CPZ: variants seen among roughly 807,000 people sequenced by gnomAD.
The protein encoded by CPZ is carboxypeptidase Z, also known as VEZT/CPZ fusion.
CPZ carries 103 observed loss-of-function variants against 61.8 expected under a neutral mutation model. The ratio of observed to expected loss-of-function variants is 1.67; its 90% CI spans 1.42 to 1.96. The LOEUF (loss-of-function observed/expected upper bound fraction) is 1.96. Among genes scored for constraint, CPZ ranks in the 30% most tolerant of loss-of-function variants. The pLI is 0.00. For missense variants in CPZ, 1,461 were observed against 914.9 expected (o/e 1.60, Z -7.70); for synonymous variants, 551 against 373.7 (o/e 1.47, Z -5.47).
Position 8,606,126 on chromosome 4 carries a change from A to C in CPZ, c.847A>C (p.Thr283Pro). 6.2e-7 allele frequency: 1 copy of C among 1,613,888 alleles called. No homozygotes were observed. Among genetic ancestry groups the C allele is most frequent in the Non-Finnish European group, 8.5e-7 (1 of 1,179,868 alleles). Reference sequence around the variant, plus strand: ...CCGCATCCAGCGCCTGCTCAACACCACCCGCATCCACCTGCTGCCCTCCAT... The same window carrying C: ...CCGCATCCAGCGCCTGCTCAACACCCCCCGCATCCACCTGCTGCCCTCCAT... ...NPRIQRLLNTTRIHLLPSMNP... is the reference protein window; with the variant it reads ...NPRIQRLLNTPRIHLLPSMNP... The change falls in exon 5 of 11, where the codon ACC becomes CCC. Residue 283 changes from threonine to proline, a missense_variant. Physicochemically the swap from Thr to Pro is conservative, Grantham distance 38. Coordinates refer to ENST00000360986, the MANE Select transcript of CPZ (RefSeq NM_001014447.3).
intron 4 of CPZ, 146 bp from the exon 5 acceptor site, chr4:8,605,843 C>A: frequency 2.7e-6 from 2 of 738,026 alleles, no homozygotes; most frequent in South Asian, 2.4e-5. Context: ...CTTGATGAGA[C>A]CTCATTATAT....
chr4:8,610,402 G>A (rs905640206), intron 7 of CPZ, among the ~76,000 whole-genome samples: 8 of 152,206 alleles, frequency 5.3e-5, no homozygotes, highest in African/African-American at 1.7e-4. Context: ...CCTAGAGACT[G>A]ACCAGTGATG....
rs1428168245 is a variant in CPZ at position 8,612,002 on chromosome 4, TATCTG to T, written c.1228-23_1228-19del. ...GACGTCCTGCAGGGGACCCTTTCCT[TATCTG>T]AGCCAGGTTTCTTTTCCAGATGTTC... On this transcript the variant is annotated intron_variant, in intron 7 of 10. Transcript: ENST00000360986. The T allele has an allele frequency of 6.2e-7, 1 of 1,613,536 alleles. No individual in the cohort carries two copies.
intron 6 of CPZ, 71 bp downstream of exon 6, chr4:8,606,969 T>C (rs1333428123): frequency 6.7e-7 from 1 of 1,497,678 alleles, no homozygotes; most frequent in Non-Finnish European, 9.0e-7. Context: ...CCAGGCTCTC[T>C]GGAGTTGTCC....
chr4:8,601,443 C>G lies in CPZ; in HGVS notation c.442C>G (p.Arg148Gly). Reference protein sequence around the residue: ...MAWPYFLDCHRYFTREDEGCY... With the variant: ...MAWPYFLDCHGYFTREDEGCY... ...CTGGCCCTACTTCCTTGACTGCCAC[C>G]GCTACTTCACGAGAGAGGACGAGGG... Residue 148 changes from arginine to glycine, a missense_variant, in exon 3 of 11, where the codon CGC becomes GGC. Coordinates refer to ENST00000360986, the MANE Select transcript of CPZ (RefSeq NM_001014447.3). 1 of 1,544,848 alleles carries G rather than the reference C, an allele frequency of 6.5e-7. No homozygotes were observed. Among genetic ancestry groups the G allele is most frequent in the Non-Finnish European group, 8.7e-7 (1 of 1,144,942 alleles).
rs748653002 is a variant in CPZ at position 8,612,198 on chromosome 4, G to A, written c.1363+36G>A. On this transcript the variant is annotated intron_variant, in intron 8 of 10. Coordinates refer to ENST00000360986, the MANE Select transcript of CPZ (RefSeq NM_001014447.3). ...CGCAGGGCGGGACTGGGCGGGGGGT[G>A]GGGGGTGCAGGGGCTGGGTGGGGCA... 15 of 343,448 alleles carry A rather than the reference G, an allele frequency of 4.4e-5. 1 individual carries two copies. Among genetic ancestry groups the A allele is most frequent in the Non-Finnish European group, 6.3e-5 (13 of 204,854 alleles). 21.3% of individuals were successfully genotyped at this position (343,448 alleles called of 1,614,324 possible). A position where few individuals can be genotyped will look rare whatever the true frequency, so the allele number is the denominator to read the frequency against.
At chr4:8,618,379 T>G in intron 9 of CPZ, 50 bp from the exon 10 acceptor site, 1 of 1,583,098 alleles carries the variant, frequency 6.3e-7, no homozygotes, top group Non-Finnish European at 8.7e-7. Flanking sequence ...GCCTCCACGC[T>G]CAGCAGGAGA....
Position 8,606,760 on chromosome 4 carries a change from G to C in CPZ, c.930G>C (p.Thr310=). The C allele has an allele frequency of 6.2e-7, 1 of 1,614,160 alleles. No individual in the cohort carries two copies. Among genetic ancestry groups the C allele is most frequent in the Non-Finnish European group, 8.5e-7 (1 of 1,180,026 alleles). Residue 310 remains threonine, a synonymous_variant, in exon 6 of 11, where the codon ACG becomes ACC. Coordinates refer to ENST00000360986, the MANE Select transcript of CPZ (RefSeq NM_001014447.3). ...AGGGTGCCGGCTACAACGGGTGGAC[G>C]AGCGGGAGGCAGAACGCGCAGAACC... is the stretch of plus-strand genomic sequence containing the variant. ...AAEGAGYNGW[T]SGRQNAQNLD...
intron 7 of CPZ, chr4:8,611,344 C>T (rs938851188): frequency 6.7e-6 from 3 of 447,358 alleles, no homozygotes; most frequent in Non-Finnish European, 1.4e-5. Context: ...GGGATGGGCA[C>T]AATGCGGGGA....
chr4:8,593,002 C>T (rs555871954), intron 1 of CPZ, 81 bp downstream of exon 1: 9 of 1,151,872 alleles, frequency 7.8e-6, no homozygotes, highest in African/African-American at 6.2e-5. Context: ...CCCAGGGGCC[C>T]GGGAGCTTTC....
rs1057408311 is a variant in CPZ at position 8,606,963 on chromosome 4, G to A, written c.1068+65G>A. The stretch of plus-strand genomic sequence containing the variant: ...ATCCAGGGGTCCCTAGTTATTCCAG[G>A]CTCTCTGGAGTTGTCCTTCCCTGGG... On this transcript the variant is annotated intron_variant, in intron 6 of 10. Coordinates refer to ENST00000360986, the MANE Select transcript of CPZ (RefSeq NM_001014447.3). 4.7e-6 allele frequency: 7 copies of A among 1,505,148 alleles called. No individual in the cohort carries two copies. In the African/African-American group the frequency reaches 6.9e-5, roughly 15 times the overall value. 93.2% of individuals were successfully genotyped at this position (1,505,148 alleles called of 1,614,324 possible).
chr4:8,612,538 T>C (rs896596027), intron 8 of CPZ, among the ~76,000 whole-genome samples: 17 of 152,320 alleles, frequency 1.1e-4, no homozygotes, highest in Non-Finnish European at 1.6e-4. Context: ...TTTAGGACAA[T>C]GTAAGGATGT....
chr4:8,612,085 C>T lies in CPZ; in HGVS notation c.1286C>T (p.Ser429Leu), dbSNP rs145418825. ...ADVHPMMMDR[S>L]ENRCGGNFLK... ...GTCCACCCCATGATGATGGACAGGT[C>T]GGAGAATAGGTGTGGAGGCAATTTC... Residue 429 changes from serine (S) to leucine (L), a missense_variant, in exon 8 of 11, where the codon TCG (serine) becomes TTG (leucine). By Grantham distance (145) the Ser-to-Leu change is moderately radical (BLOSUM62 -2). Coordinates refer to ENST00000360986, the MANE Select transcript of CPZ (RefSeq NM_001014447.3). 1.9e-5 allele frequency: 31 copies of T among 1,612,856 alleles called. No individual in the cohort carries two copies. Among genetic ancestry groups the T allele is most frequent in the South Asian group, 1.2e-4 (11 of 91,014 alleles).
rs1050465 is a variant in CPZ, at chr4:8,619,665, G to C, written c.*48G>C. The C allele has an allele frequency of 1.0e-5, 14 of 1,355,112 alleles. No homozygotes were observed. The highest frequency in any genetic ancestry group is 2.6e-5 in the East Asian group (1 of 38,014). 83.9% of individuals were successfully genotyped at this position (1,355,112 alleles called of 1,614,324 possible). A position where few individuals can be genotyped will look rare whatever the true frequency, so the allele number is the denominator to read the frequency against. On this transcript the variant is annotated 3_prime_UTR_variant, in exon 11 of 11. Transcript: ENST00000360986. ...GATGTGGAGACCGAGGCCCATCTCC[G>C]CATCCCGGGCTCCTGGCTCTTGATT...
chr4:8,605,537 CATCTATCCATTCATCCATCATTGATAT>C lies in CPZ; in HGVS notation c.710-441_710-415del, dbSNP rs577931729. On this transcript the variant is annotated intron_variant, in intron 4 of 10. Coordinates refer to ENST00000360986, the MANE Select transcript of CPZ (RefSeq NM_001014447.3). ...CTCATCCATCCATCATTGATTTATC[CATCTATCCATTCATCCATCATTGATAT>C]ATCTATCCATCCAGCCATCCAGCCA... Among the ~76,000 whole-genome samples, 1,269 of 148,316 alleles carry C rather than the reference CATCTATCCATTCATCCATCATTGATAT, an allele frequency of 8.6e-3. 8 individuals carry two copies. Among genetic ancestry groups the C allele is most frequent in the Non-Finnish European group, 0.012 (808 of 67,206 alleles).
At chr4:8,617,894 G>A (rs1044647000) in intron 9 of CPZ, among the ~76,000 whole-genome samples, 3 of 152,158 alleles carry the variant, frequency 2.0e-5, no homozygotes, top group Non-Finnish European at 4.4e-5. Flanking sequence ...GGCGTGCAGG[G>A]AGCTTGTGTG....
At position 8,594,666 on chromosome 4, in the gene CPZ, G is replaced by A. The variant is rs572520493; in HGVS notation, c.88+1745G>A. ...TATTTCAAAAGCCGCTTTCAGACCA[G>A]TGCTGTCCAACAGAAACACAAAGCC... On this transcript the variant is annotated intron_variant, in intron 1 of 10. Coordinates refer to ENST00000360986, the MANE Select transcript of CPZ (RefSeq NM_001014447.3). Among the ~76,000 whole-genome samples, 11 of 152,304 alleles carry A rather than the reference G, an allele frequency of 7.2e-5. No individual in the cohort carries two copies. The South Asian group carries it at 2.3e-3, about 32-fold the overall frequency.
chr4:8,617,841 C>G (rs1447806723), intron 9 of CPZ, among the ~76,000 whole-genome samples: 1 of 152,204 alleles, frequency 6.6e-6, no homozygotes, highest in African/African-American at 2.4e-5. Context: ...CAGGATCAGG[C>G]AGCTTTGGGA....
rs1303327076 is a variant in CPZ, at chr4:8,619,640, G to C, written c.*23G>C. 4.1e-6 allele frequency: 6 copies of C among 1,472,304 alleles called. No homozygotes were observed. The highest frequency in any genetic ancestry group is 5.4e-6 in the Non-Finnish European group (6 of 1,112,342). The allele number at this position is 1,472,304 out of a possible 1,614,324, so 91.2% of individuals were successfully genotyped here. The stretch of plus-strand genomic sequence containing the variant: ...TAGCCCCGGCCCCAGCACCCGCCAG[G>C]ATGTGGAGACCGAGGCCCATCTCCG... On this transcript the variant is annotated 3_prime_UTR_variant, in exon 11 of 11. Coordinates refer to ENST00000360986, the MANE Select transcript of CPZ (RefSeq NM_001014447.3).
Sources: gnomAD v4.1 joint callset for allele counts (sites outside exome capture counted in the v4.1 genomes callset) on GRCh38, gnomAD v4.1.1 for gene constraint, MANE v1.5 for transcripts, NCBI Gene and HGNC (gene_info 2026-07-23, HGNC 2026-07-21) for gene names.